Variants in SH2D1B observed in about 807,000 individuals in gnomAD.
SH2D1B encodes the protein SH2 domain-containing protein 1B.
SH2D1B carries 11 observed loss-of-function variants against 16.3 expected under a neutral mutation model. The ratio of observed to expected loss-of-function variants is 0.67; its 90% CI spans 0.42 to 1.11. The LOEUF (loss-of-function observed/expected upper bound fraction) is 1.11. SH2D1B is among the 50% of genes most tolerant of loss of function. The pLI, the probability that SH2D1B is intolerant of heterozygous loss-of-function variation, is 0.00. For missense variants in SH2D1B, 123 were observed against 153.1 expected (o/e 0.80, Z 1.04); for synonymous variants, 55 against 56.1 (o/e 0.98, Z 0.09).
intron 2 of SH2D1B, among the ~76,000 whole-genome samples, chr1:162,399,924 C>T (rs1648468097): frequency 1.3e-5 from 2 of 152,290 alleles, no homozygotes; most frequent in Non-Finnish European, 2.9e-5. Context: ...CGATCCTCTC[C>T]ATCTCAAGCT....
At chr1:162,410,600 A>C (rs1011797575) in intron 1 of SH2D1B, among the ~76,000 whole-genome samples, 3 of 151,904 alleles carry the variant, frequency 2.0e-5, no homozygotes, top group African/African-American at 7.3e-5. Context: ...GGGCATAAAC[A>C]AGTTCCTTCA....
intron 1 of SH2D1B, among the ~76,000 whole-genome samples, chr1:162,405,183 T>A (rs903144760): frequency 4.1e-4 from 62 of 152,262 alleles, no homozygotes; most frequent in African/African-American, 1.4e-3. Context: ...ACATACTCTA[T>A]GATTTGATTT....
chr1:162,398,240 A>T (rs1259322294), intron 3 of SH2D1B, among the ~76,000 whole-genome samples: 3 of 152,172 alleles, frequency 2.0e-5, no homozygotes, highest in Non-Finnish European at 4.4e-5. Context: ...CATCCCTTTC[A>T]CTGAGAATAT....
At chr1:162,407,326 C>A (rs1281826752) in intron 1 of SH2D1B, among the ~76,000 whole-genome samples, 1 of 152,186 alleles carries the variant, frequency 6.6e-6, no homozygotes, top group African/African-American at 2.4e-5. Flanking sequence ...ATATCAGAGT[C>A]CACTCCCAAG....
chr1:162,401,374 A>C (rs2101859040), intron 2 of SH2D1B, among the ~76,000 whole-genome samples: 1 of 152,336 alleles, frequency 6.6e-6, no homozygotes, highest in Admixed American at 6.5e-5. Context: ...TTTATCTTGA[A>C]ATTATTTCAG....
chr1:162,404,280 G>T (rs1648599781), intron 1 of SH2D1B, among the ~76,000 whole-genome samples: 1 of 152,134 alleles, frequency 6.6e-6, no homozygotes, highest in Admixed American at 6.5e-5. Flanking sequence ...AGGCTGCAGT[G>T]AGCCGAGATG....
At chr1:162,408,578 A>G (rs1438513171) in intron 1 of SH2D1B, among the ~76,000 whole-genome samples, 1 of 151,702 alleles carries the variant, frequency 6.6e-6, no homozygotes, top group Admixed American at 6.6e-5. Flanking sequence ...ACACCCAGCT[A>G]ATTAGTTTTG....
At chr1:162,411,018 C>T (rs1358333473) in intron 1 of SH2D1B, among the ~76,000 whole-genome samples, 1 of 151,662 alleles carries the variant, frequency 6.6e-6, no homozygotes, top group Non-Finnish European at 1.5e-5. Flanking sequence ...TGCAGTGGTG[C>T]AATCTCAGCT....
chr1:162,399,453 G>A (rs1289352902), intron 2 of SH2D1B, among the ~76,000 whole-genome samples: 5 of 152,102 alleles, frequency 3.3e-5, no homozygotes, highest in South Asian at 4.1e-4. Flanking sequence ...AGGGACTATC[G>A]GAAGTGGACT....
At chr1:162,405,124 G>T (rs529405265) in intron 1 of SH2D1B, among the ~76,000 whole-genome samples, 1 of 152,202 alleles carries the variant, frequency 6.6e-6, no homozygotes, top group East Asian at 1.9e-4. Context: ...CCACATAGAT[G>T]GATCTCAAAA....
At chr1:162,402,319 T>C (rs1648533914) in intron 2 of SH2D1B, among the ~76,000 whole-genome samples, 1 of 151,980 alleles carries the variant, frequency 6.6e-6, no homozygotes, top group Non-Finnish European at 1.5e-5. Flanking sequence ...GAGACCATCC[T>C]GTCTAACACG....
chr1:162,399,015 G>A lies in SH2D1B; in HGVS notation c.271C>T (p.Gln91Ter). The change falls in exon 3 of 4, where the codon CAG becomes TAG. Residue 91 changes from glutamine (Q) to a stop codon, truncating the protein, a stop_gained. Transcript: ENST00000367929. LOFTEE classifies it high-confidence loss of function. Reference protein sequence around the residue: ...ELISKFEKPNQGMVVHLLKPI... With the variant: ...ELISKFEKPN Reference sequence around the variant, plus strand: ...TTTAAAAGGTGAACCACCATCCCCTGATTTGGTTTTTCAAATTTGGAGATC... The same window carrying A: ...TTTAAAAGGTGAACCACCATCCCCTAATTTGGTTTTTCAAATTTGGAGATC... 1 of 1,614,086 alleles carries A rather than the reference G, an allele frequency of 6.2e-7. No individual in the cohort carries two copies. Among genetic ancestry groups the A allele is most frequent in the East Asian group, 2.2e-5 (1 of 44,884 alleles).
rs1174293338 is a variant in SH2D1B at position 162,412,044 on chromosome 1, C to G, written c.-28G>C. ...AGAACGCTCTTGTATCCCAGGAAGCCCTGTTGGCCTGAAATTCACCCCCAA... is the reference window on the plus strand; with the variant it reads ...AGAACGCTCTTGTATCCCAGGAAGCGCTGTTGGCCTGAAATTCACCCCCAA... On this transcript the variant is annotated 5_prime_UTR_variant, in exon 1 of 4. Transcript: ENST00000367929. The G allele has an allele frequency of 6.2e-7, 1 of 1,612,692 alleles. No individual in the cohort carries two copies.
intron 1 of SH2D1B, among the ~76,000 whole-genome samples, chr1:162,409,815 TC>T (rs971563934): frequency 6.6e-6 from 1 of 152,088 alleles, no homozygotes; most frequent in Non-Finnish European, 1.5e-5. Context: ...ACCTCAGTGA[TC>T]AGCCCACCTC....
intron 1 of SH2D1B, among the ~76,000 whole-genome samples, chr1:162,407,910 T>G (rs1648688122): frequency 6.6e-6 from 1 of 152,242 alleles, no homozygotes; most frequent in Non-Finnish European, 1.5e-5. Flanking sequence ...ACATAATAAG[T>G]GCTCAGTATA....
intron 2 of SH2D1B, among the ~76,000 whole-genome samples, chr1:162,401,332 A>AC (rs35900994): frequency 6.6e-6 from 1 of 152,024 alleles, no homozygotes; most frequent in Non-Finnish European, 1.5e-5. Context: ...CAGAAAAAAA[A>AC]GTCTTAAAAT....
chr1:162,403,044 G>A (rs1445500291), intron 1 of SH2D1B, among the ~76,000 whole-genome samples: 1 of 151,848 alleles, frequency 6.6e-6, no homozygotes, highest in Non-Finnish European at 1.5e-5. Flanking sequence ...GCGTAGCTGG[G>A]ATTACAGGCA....
Position 162,400,742 on chromosome 1 carries a change from G to A in SH2D1B, c.199-1655C>T, listed in dbSNP as rs985537902. 1.1e-4 allele frequency among the ~76,000 whole-genome samples: 17 copies of A among 152,022 alleles called. 1 individual carries two copies. The highest frequency in any genetic ancestry group is 3.3e-4 in the Admixed American group (5 of 15,262). ...GTGGGTGGATCACTTGAGGTCAGGAGTTTGAGACCAGCCTGGTCAACATGG... is the reference window on the plus strand; with the variant it reads ...GTGGGTGGATCACTTGAGGTCAGGAATTTGAGACCAGCCTGGTCAACATGG... On this transcript the variant is annotated intron_variant, in intron 2 of 3. Coordinates refer to ENST00000367929, the MANE Select transcript of SH2D1B (RefSeq NM_053282.5).
chr1:162,409,422 C>T (rs541379382), intron 1 of SH2D1B, among the ~76,000 whole-genome samples: 38 of 152,110 alleles, frequency 2.5e-4, no homozygotes, highest in Non-Finnish European at 4.4e-4. Flanking sequence ...TGATCTTATC[C>T]CACCCTCCTT....
Sources: allele counts gnomAD v4.1 joint callset (sites outside exome capture counted in the v4.1 genomes callset), GRCh38; gene constraint gnomAD v4.1.1; transcripts MANE v1.5; gene names NCBI Gene and HGNC (gene_info 2026-07-23, HGNC 2026-07-21).